The following NBEAL1 variants were observed in gnomAD, a reference collection of about 807,000 sequenced individuals.
NBEAL1 encodes neurobeachin-like protein 1.
A neutral mutation model predicts 351.3 loss-of-function variants in NBEAL1; 273 were observed. That is an observed-to-expected ratio of 0.78 (90% CI 0.70 to 0.86). NBEAL1 has a LOEUF of 0.86. Ranked by LOEUF, NBEAL1 falls within the 40% of genes least tolerant of loss-of-function variation. NBEAL1 has a pLI of 0.00. For missense variants in NBEAL1, 2,961 were observed against 3,201.3 expected, an observed-to-expected ratio of 0.92 and a Z score of 1.81; for synonymous variants, 1,050 against 1,086.4, an observed-to-expected ratio of 0.97 and a Z score of 0.66.
intron 10 of NBEAL1, among the ~76,000 whole-genome samples, chr2:203,088,606 T>A (rs2062009928): frequency 6.6e-6 from 1 of 152,230 alleles, no homozygotes. Flanking sequence ...AACAATCTTG[T>A]GGCCACTTTG....
chr2:203,172,205 C>CT (rs1412422300), intron 40 of NBEAL1, among the ~76,000 whole-genome samples, 182 bp downstream of exon 40: 1 of 152,024 alleles, frequency 6.6e-6, no homozygotes, highest in East Asian at 1.9e-4. Flanking sequence ...AAATAAAAGC[C>CT]TTTTTTCTTT....
chr2:203,170,398 G>C (rs2064284240), intron 39 of NBEAL1, among the ~76,000 whole-genome samples: 1 of 151,826 alleles, frequency 6.6e-6, no homozygotes, highest in Non-Finnish European at 1.5e-5. Flanking sequence ...TAATAACATG[G>C]GTTTTAAAAT....
intron 47 of NBEAL1, among the ~76,000 whole-genome samples, chr2:203,194,748 T>C (rs1010214588): frequency 2.2e-4 from 33 of 152,212 alleles, no homozygotes; most frequent in African/African-American, 7.9e-4. Flanking sequence ...AAACAGGTGG[T>C]GGGCTGGCTT....
intron 2 of NBEAL1, among the ~76,000 whole-genome samples, chr2:203,020,218 T>C (rs886609135): frequency 6.6e-6 from 1 of 152,226 alleles, no homozygotes; most frequent in Non-Finnish European, 1.5e-5. Context: ...CTTCTAGGAA[T>C]AGGCTTTAAT....
chr2:203,073,321 A>G (rs1339734326), intron 7 of NBEAL1, among the ~76,000 whole-genome samples: 3 of 152,228 alleles, frequency 2.0e-5, no homozygotes, highest in African/African-American at 4.8e-5. Flanking sequence ...TGTGTTTTTC[A>G]TCACATGAAT....
In NBEAL1 at chr2:203,130,343, T is replaced by C; in HGVS notation, c.3431T>C (p.Phe1144Ser). Residue 1144 changes from phenylalanine to serine, a missense_variant, in exon 25 of 56, where the codon TTC becomes TCC. Phe to Ser is a radical substitution (Grantham distance 155). Coordinates refer to ENST00000683969, the MANE Select transcript of NBEAL1 (RefSeq NM_001378026.1). ...EQLFGILDVL[F>S]SLLRTSPTRG... is the part of the protein sequence containing the mutation. Reference sequence around the variant, plus strand: ...CTCTTTGGAATTTTGGACGTGCTCTTCAGTCTCCTACGTACCAGCCCAACC... The same window carrying C: ...CTCTTTGGAATTTTGGACGTGCTCTCCAGTCTCCTACGTACCAGCCCAACC... 1 of 1,530,698 alleles carries C rather than the reference T, an allele frequency of 6.5e-7. No individual in the cohort carries two copies. Among genetic ancestry groups the C allele is most frequent in the South Asian group, 1.3e-5 (1 of 78,996 alleles). 94.8% of individuals were successfully genotyped at this position (1,530,698 alleles called of 1,614,324 possible). A position where few individuals can be genotyped will look rare whatever the true frequency, so the allele number is the denominator to read the frequency against.
At chr2:203,039,174 TCTTTC>T (rs1331826847) in intron 2 of NBEAL1, among the ~76,000 whole-genome samples, 5 of 100,688 alleles carry the variant, frequency 5.0e-5, no homozygotes, top group East Asian at 2.2e-4. Context: ...CTGTCTTTTT[TCTTTC>T]CTTTCCTTTT....
rs368443179 is a variant in NBEAL1 at position 203,202,836 on chromosome 2, C to T, written c.7506+55C>T. ...AGGTCAGAGATTCACCCTGAGAATA[C>T]TAGCAAAATGTTCTACTAGGACATC... On this transcript the variant is annotated intron_variant, in intron 51 of 55. Transcript: ENST00000683969. The T allele has an allele frequency of 1.7e-5, 17 of 974,650 alleles. No homozygotes were observed. The African/African-American group carries it at 2.7e-4, about 16-fold the overall frequency. The allele number at this position is 974,650 out of a possible 1,614,324, so 60.4% of individuals were successfully genotyped here.
chr2:203,190,191 CA>C (rs1668260928), intron 45 of NBEAL1, 100 bp from the exon 46 acceptor site: 3 of 412,104 alleles, frequency 7.3e-6, no homozygotes, highest in Non-Finnish European at 1.4e-5. Context: ...CACACACACA[CA>C]CACACACACA....
At chr2:203,096,886 A>G (rs2062196143) in intron 10 of NBEAL1, among the ~76,000 whole-genome samples, 1 of 152,152 alleles carries the variant, frequency 6.6e-6, no homozygotes. Context: ...GTTACGTACT[A>G]CGGTATCTTT....
intron 15 of NBEAL1, 68 bp from the exon 16 acceptor site, chr2:203,111,911 T>C (rs951289891): frequency 1.0e-5 from 15 of 1,480,334 alleles, no homozygotes; most frequent in Non-Finnish European, 1.2e-5. Flanking sequence ...AGCAAACTTC[T>C]GAAAGCATTT....
intron 2 of NBEAL1, among the ~76,000 whole-genome samples, chr2:203,027,709 A>G (rs2060881909): frequency 6.6e-6 from 1 of 152,084 alleles, no homozygotes; most frequent in Non-Finnish European, 1.5e-5. Flanking sequence ...TGAAAAATAT[A>G]TGGACTTTCT....
At position 203,113,221 on chromosome 2, in the gene NBEAL1, A is replaced by C. The variant is rs1428349831; in HGVS notation, c.2409A>C (p.Glu803Asp). 4 of 1,543,294 alleles carry C rather than the reference A, an allele frequency of 2.6e-6. No homozygotes were observed. The highest frequency in any genetic ancestry group is 2.4e-5 in the South Asian group (2 of 81,754). Residue 803 changes from glutamate to aspartate, a missense_variant, in exon 17 of 56, where the codon GAA (glutamate) becomes GAC (aspartate). Coordinates refer to ENST00000683969, the MANE Select transcript of NBEAL1 (RefSeq NM_001378026.1). ...TATCAGCTGGAACCCAAGACAGTGA[A>C]TGGGGGTGTCCCACATCTCTGGAGG... ...KLISAGTQDS[E>D]WGCPTSLEGQ... is the part of the protein sequence containing the mutation.
At position 203,199,364 on chromosome 2, in the gene NBEAL1, T is replaced by C; in HGVS notation, c.7155T>C (p.Ile2385=). The C allele has an allele frequency of 6.2e-7, 1 of 1,600,388 alleles. No individual in the cohort carries two copies. Among genetic ancestry groups the C allele is most frequent in the Non-Finnish European group, 8.6e-7 (1 of 1,168,492 alleles). Residue 2385 remains isoleucine (I), a synonymous_variant, in exon 49 of 56, where the codon ATT becomes ATC. Coordinates refer to ENST00000683969, the MANE Select transcript of NBEAL1 (RefSeq NM_001378026.1). Reference sequence around the variant, plus strand: ...TAACAATAAGCATGAATTATGTTATTGGAACCCATGGATGGTTGCCTTATG... The same window carrying C: ...TAACAATAAGCATGAATTATGTTATCGGAACCCATGGATGGTTGCCTTATG... ...LLITISMNYV[I]GTHGWLPYDR...
intron 2 of NBEAL1, chr2:203,040,311 T>C (rs1427175292): frequency 2.7e-6 from 2 of 746,718 alleles, no homozygotes. Context: ...ACAAGGTGCA[T>C]CTCAGACGAC....
rs1559389522 is a variant in NBEAL1 at position 203,132,089 on chromosome 2, T to G, written c.3681T>G (p.Asn1227Lys). ...TCCTTCTTAATGAAGCACTTGTTAA[T>G]ACTTCTCTTATTAAAAACCTCACCC... ...LGLLLNEALVNTSLIKNLTHQ... is the reference protein window; with the variant it reads ...LGLLLNEALVKTSLIKNLTHQ... The change falls in exon 26 of 56, where the codon AAT (asparagine) becomes AAG (lysine). Residue 1227 changes from asparagine to lysine, a missense_variant. Asn to Lys is a moderately conservative substitution (Grantham distance 94). Coordinates refer to ENST00000683969, the MANE Select transcript of NBEAL1 (RefSeq NM_001378026.1). 1 of 1,545,922 alleles carries G rather than the reference T, an allele frequency of 6.5e-7. No individual in the cohort carries two copies. The highest frequency in any genetic ancestry group is 2.0e-5 in the Admixed American group (1 of 50,688).
intron 14 of NBEAL1, among the ~76,000 whole-genome samples, chr2:203,109,703 A>T (rs1250244131): frequency 1.3e-5 from 2 of 152,102 alleles, no homozygotes; most frequent in Admixed American, 1.3e-4. Flanking sequence ...TATTTTTAGT[A>T]GAGACGGGGT....
intron 53 of NBEAL1, 84 bp from the exon 54 acceptor site, chr2:203,210,874 T>C: frequency 2.9e-6 from 2 of 681,826 alleles, no homozygotes; most frequent in Non-Finnish European, 4.6e-6. Flanking sequence ...CAAATAATTA[T>C]TCTGTTATAG....
At chr2:203,187,367 G>GTTT (rs71034225) in intron 44 of NBEAL1, among the ~76,000 whole-genome samples, 2,725 of 87,490 alleles carry the variant, frequency 0.031, 70 homozygotes, top group African/African-American at 0.035. Flanking sequence ...TCTTGCAATG[G>GTTT]TTTTTTTTTT....
Sources: gnomAD v4.1 joint callset for allele counts (sites outside exome capture counted in the v4.1 genomes callset) on GRCh38, gnomAD v4.1.1 for gene constraint, MANE v1.5 for transcripts, NCBI Gene and HGNC (gene_info 2026-07-23, HGNC 2026-07-21) for gene names.